RMST: variants seen among roughly 807,000 people sequenced by gnomAD.
RMST encodes the protein long intergenic non-protein coding RNA 54.
At chr12:97,493,390 A>G (rs1565922509) in intron 7 of RMST, 1 of 152,648 alleles carries the variant, frequency 6.6e-6, no homozygotes, top group Non-Finnish European at 1.5e-5. Context: ...ACTGTACTGT[A>G]AAAGAATTAG....
At chr12:97,522,196 G>C (rs947062997) in intron 10 of RMST, among the ~76,000 whole-genome samples, 1 of 152,136 alleles carries the variant, frequency 6.6e-6, no homozygotes, top group Non-Finnish European at 1.5e-5. Context: ...CCAGGTAAGT[G>C]CATGTTACTA....
At chr12:97,525,489 G>A (rs778807488) in intron 10 of RMST, among the ~76,000 whole-genome samples, 1 of 152,002 alleles carries the variant, frequency 6.6e-6, no homozygotes, top group Admixed American at 6.6e-5. Context: ...ATTTGTTCCT[G>A]GTTTAAAAGG....
chr12:97,533,361 CT>C (rs1443959815), intron 11 of RMST: 1 of 151,782 alleles, frequency 6.6e-6, no homozygotes, highest in Non-Finnish European at 1.5e-5. Flanking sequence ...TACATGATGT[CT>C]CCTGGAAATG....
At chr12:97,470,972 G>T (rs1324230823) in intron 5 of RMST, among the ~76,000 whole-genome samples, 1 of 152,038 alleles carries the variant, frequency 6.6e-6, no homozygotes, top group African/African-American at 2.4e-5. Flanking sequence ...TCAATAAACA[G>T]TACTTGTGGT....
intron 10 of RMST, among the ~76,000 whole-genome samples, chr12:97,516,996 C>A (rs1880003826): frequency 1.3e-5 from 2 of 151,828 alleles, no homozygotes; most frequent in South Asian, 4.1e-4. Flanking sequence ...AATGAATGAT[C>A]AAGTATCATA....
At chr12:97,466,514 T>C (rs563880496) in intron 5 of RMST, among the ~76,000 whole-genome samples, 1 of 152,276 alleles carries the variant, frequency 6.6e-6, no homozygotes, top group African/African-American at 2.4e-5. Flanking sequence ...GTCTTATAAA[T>C]TTCACATTGT....
At chr12:97,511,866 C>A (rs1357509156) in intron 10 of RMST, among the ~76,000 whole-genome samples, 1 of 152,154 alleles carries the variant, frequency 6.6e-6, no homozygotes, top group Non-Finnish European at 1.5e-5. Context: ...ATACATACAC[C>A]TTCATGTGTA....
intron 10 of RMST, among the ~76,000 whole-genome samples, chr12:97,523,550 T>A (rs890299191): frequency 6.6e-6 from 1 of 152,240 alleles, no homozygotes; most frequent in Non-Finnish European, 1.5e-5. Context: ...TATTATACAA[T>A]GTATACATGT....
At chr12:97,467,925 T>A (rs913409942) in intron 5 of RMST, among the ~76,000 whole-genome samples, 2 of 152,048 alleles carry the variant, frequency 1.3e-5, no homozygotes, top group Non-Finnish European at 2.9e-5. Flanking sequence ...ATGGATTTTC[T>A]TAGTAGTAGC....
At chr12:97,500,279 A>G (rs1877942432) in intron 10 of RMST, among the ~76,000 whole-genome samples, 1 of 152,156 alleles carries the variant, frequency 6.6e-6, no homozygotes, top group African/African-American at 2.4e-5. Flanking sequence ...TTTCTCAAAG[A>G]GTTCAGATCC....
intron 11 of RMST, among the ~76,000 whole-genome samples, chr12:97,534,550 G>A (rs1415617100): frequency 1.3e-5 from 2 of 151,718 alleles, no homozygotes; most frequent in African/African-American, 4.8e-5. Flanking sequence ...TTTGGAAGGT[G>A]AAATTCATAT....
At chr12:97,511,980 A>G (rs113360073) in intron 10 of RMST, among the ~76,000 whole-genome samples, 2,746 of 152,338 alleles carry the variant, frequency 0.018, 35 homozygotes, top group Non-Finnish European at 0.026. Context: ...TCACTTCAAG[A>G]ATGAAGCCGC....
At chr12:97,475,192 TACATTGATCAG>T (rs1874397338) in intron 5 of RMST, among the ~76,000 whole-genome samples, 1 of 152,182 alleles carries the variant, frequency 6.6e-6, no homozygotes, top group African/African-American at 2.4e-5. Flanking sequence ...TTTTCTAGGC[TACATTGATCAG>T]TCATGGTTTC....
intron 11 of RMST, among the ~76,000 whole-genome samples, chr12:97,536,095 C>T (rs1410112245): frequency 1.3e-5 from 2 of 151,466 alleles, no homozygotes; most frequent in African/African-American, 4.8e-5. Context: ...AGTTTGACAA[C>T]CTGTTGATAA....
At chr12:97,469,173 TG>T in intron 5 of RMST, among the ~76,000 whole-genome samples, 1 of 146,100 alleles carries the variant, frequency 6.8e-6, no homozygotes. Flanking sequence ...TGTGTGTGTG[TG>T]TGTGTGTATG....
intron 5 of RMST, among the ~76,000 whole-genome samples, chr12:97,485,769 A>T (rs577813047): frequency 2.6e-5 from 4 of 152,228 alleles, no homozygotes; most frequent in Non-Finnish European, 4.4e-5. Flanking sequence ...CCAAGTCAAG[A>T]ACTTTTTCCA....
At chr12:97,532,653 T>TTTTTG (rs1881755973) in intron 11 of RMST, 2 of 149,510 alleles carry the variant, frequency 1.3e-5, no homozygotes, top group Non-Finnish European at 3.0e-5. Flanking sequence ...CCGTTTTTTT[T>TTTTTG]TTTTTTTTTT....
chr12:97,527,704 G>A (rs1031653326), intron 10 of RMST, among the ~76,000 whole-genome samples: 4 of 152,006 alleles, frequency 2.6e-5, no homozygotes, highest in Non-Finnish European at 5.9e-5. Context: ...AGTCATGTAG[G>A]TCTTATAGAA....
chr12:97,556,953 CTG>C (rs1423520195), intron 11 of RMST, among the ~76,000 whole-genome samples: 7 of 152,094 alleles, frequency 4.6e-5, no homozygotes, highest in African/African-American at 9.6e-5. Flanking sequence ...CCTGAAGAAA[CTG>C]TATATTCATG....
Sources: gnomAD v4.1 joint callset for allele counts (sites outside exome capture counted in the v4.1 genomes callset) on GRCh38, gnomAD v4.1.1 for gene constraint, MANE v1.5 for transcripts, NCBI Gene and HGNC (gene_info 2026-07-23, HGNC 2026-07-21) for gene names.